DPF3: variants seen among roughly 807,000 people sequenced by gnomAD.
DPF3 encodes the protein zinc finger protein DPF3.
A neutral mutation model predicts 56.8 loss-of-function variants in DPF3; 18 were observed. That is an observed-to-expected ratio of 0.32 (90% CI 0.22 to 0.47). DPF3 has a LOEUF of 0.47. Ranked by LOEUF, DPF3 falls within the 20% of genes least tolerant of loss-of-function variation. DPF3 has a pLI of 1.00. For missense variants in DPF3, 403 were observed against 488.8 expected, an observed-to-expected ratio of 0.82 and a Z score of 1.65; for synonymous variants, 188 against 180.2, an observed-to-expected ratio of 1.04 and a Z score of -0.35.
intron 4 of DPF3, 165 bp from the exon 5 acceptor site, chr14:72,723,893 G>A: frequency 1.6e-6 from 1 of 628,994 alleles, no homozygotes; most frequent in East Asian, 3.1e-5. Context: ...TCTGGAGTTT[G>A]AACTCTTGGC....
chr14:72,878,454 T>C (rs1886199782), intron 1 of DPF3, among the ~76,000 whole-genome samples: 1 of 152,184 alleles, frequency 6.6e-6, no homozygotes, highest in Non-Finnish European at 1.5e-5. Context: ...TCAAAGAAGA[T>C]GTATCCAAAA....
At position 72,689,644 on chromosome 14, in the gene DPF3, T is replaced by C. The variant is rs115602341; in HGVS notation, c.742+3432A>G. On this transcript the variant is annotated intron_variant, in intron 7 of 10. Transcript: ENST00000556509. ...GCAGCTAATGACTAGGTATTAATGA[T>C]GCTGGCAATTAGTGCTCACAAGAAA... Among the ~76,000 whole-genome samples, 409 of 152,314 alleles carry C rather than the reference T, an allele frequency of 2.7e-3. 5 individuals carry two copies. The highest frequency in any genetic ancestry group is 9.3e-3 in the African/African-American group (385 of 41,568).
At chr14:72,640,771 C>T (rs1045211069) in intron 8 of DPF3, among the ~76,000 whole-genome samples, 2 of 151,890 alleles carry the variant, frequency 1.3e-5, no homozygotes, top group African/African-American at 4.8e-5. Context: ...ATGAAGATGC[C>T]CAGGAATTGG....
intron 3 of DPF3, among the ~76,000 whole-genome samples, chr14:72,750,728 AG>A (rs1890532056): frequency 2.2e-5 from 3 of 137,822 alleles, no homozygotes; most frequent in African/African-American, 7.8e-5. Flanking sequence ...GTGTAAAAAG[AG>A]GAGGGAAAGT....
At chr14:72,724,946 T>C (rs1889335581) in intron 4 of DPF3, among the ~76,000 whole-genome samples, 1 of 151,976 alleles carries the variant, frequency 6.6e-6, no homozygotes, top group Non-Finnish European at 1.5e-5. Flanking sequence ...TCTCAAGTGA[T>C]CCTCCCACCC....
intron 1 of DPF3, among the ~76,000 whole-genome samples, chr14:72,793,031 C>T (rs754218579): frequency 1.3e-5 from 2 of 152,152 alleles, no homozygotes; most frequent in Admixed American, 6.5e-5. Flanking sequence ...AATCATTCTC[C>T]GTCCCTCCCT....
At chr14:72,772,853 G>A (rs777967485) in intron 1 of DPF3, among the ~76,000 whole-genome samples, 2 of 152,134 alleles carry the variant, frequency 1.3e-5, no homozygotes, top group Non-Finnish European at 2.9e-5. Flanking sequence ...CATAACTTAT[G>A]CCAGGTAAAT....
rs1266847775 is a variant in DPF3 at position 72,629,174 on chromosome 14, A to G, written c.984+450T>C. On this transcript the variant is annotated intron_variant, in intron 9 of 10. Coordinates refer to ENST00000556509, the MANE Select transcript of DPF3 (RefSeq NM_001280542.3). The stretch of plus-strand genomic sequence containing the variant: ...CCTTATCCTTTTGAGATACATATGA[A>G]GTAGTTACAGGTAAAAATGATATTA... Among the ~76,000 whole-genome samples, 3 of 152,320 alleles carry G rather than the reference A, an allele frequency of 2.0e-5. No individual in the cohort carries two copies. The East Asian group carries it at 5.8e-4, about 29-fold the overall frequency.
In DPF3 at chr14:72,713,497, C is replaced by A. The variant is rs77508196; in HGVS notation, c.604+926G>T. ...ATGGGTGGGACACCCAGAGGGAGACCCGTGCCAGGGTCCAGCCTCGACTGT... is the reference window on the plus strand; with the variant it reads ...ATGGGTGGGACACCCAGAGGGAGACACGTGCCAGGGTCCAGCCTCGACTGT... On this transcript the variant is annotated intron_variant, in intron 6 of 10. Transcript: ENST00000556509. Among the ~76,000 whole-genome samples, 3 of 152,174 alleles carry A rather than the reference C, an allele frequency of 2.0e-5. No individual in the cohort carries two copies. In the South Asian group the frequency reaches 6.2e-4, roughly 31 times the overall value.
At chr14:72,840,519 T>C (rs79153216) in intron 1 of DPF3, among the ~76,000 whole-genome samples, 2,023 of 152,178 alleles carry the variant, frequency 0.013, 23 homozygotes, top group Non-Finnish European at 0.02. Flanking sequence ...CTCCCCATAT[T>C]CATGTAATTT....
chr14:72,846,168 T>C (rs1248881407), intron 1 of DPF3, among the ~76,000 whole-genome samples: 4 of 151,548 alleles, frequency 2.6e-5, no homozygotes, highest in African/African-American at 9.7e-5. Context: ...CGGAATACAA[T>C]GGCATGATCT....
chr14:72,660,318 G>A (rs1029263303), intron 8 of DPF3, among the ~76,000 whole-genome samples: 3 of 152,128 alleles, frequency 2.0e-5, no homozygotes, highest in Non-Finnish European at 4.4e-5. Context: ...ATAATGCAAG[G>A]CATAACGTGA....
At chr14:72,619,820 G>A (rs1437927476) in intron 10 of DPF3, 83 bp downstream of exon 10, 1 of 1,286,316 alleles carries the variant, frequency 7.8e-7, no homozygotes, top group Non-Finnish European at 1.1e-6. Flanking sequence ...TTAGCATAAG[G>A]CCTGTACCAT....
At chr14:72,645,351 G>A (rs879174021) in intron 8 of DPF3, among the ~76,000 whole-genome samples, 3 of 150,972 alleles carry the variant, frequency 2.0e-5, no homozygotes, top group Non-Finnish European at 4.4e-5. Flanking sequence ...CTAGACTAGA[G>A]TGCAGTGGTG....
At chr14:72,656,463 C>G (rs939964470) in intron 8 of DPF3, among the ~76,000 whole-genome samples, 2 of 152,220 alleles carry the variant, frequency 1.3e-5, no homozygotes, top group African/African-American at 4.8e-5. Context: ...TCCAGTCAAG[C>G]AGATTGATGC....
At chr14:72,629,520 A>G in intron 9 of DPF3, 104 bp downstream of exon 9, 1 of 1,116,086 alleles carries the variant, frequency 9.0e-7, no homozygotes, top group Non-Finnish European at 1.3e-6. Context: ...CCAGGGTAAC[A>G]GGCCCCAGGG....
intron 1 of DPF3, among the ~76,000 whole-genome samples, chr14:72,773,549 C>T (rs987960377): frequency 2.0e-5 from 3 of 152,212 alleles, no homozygotes; most frequent in Non-Finnish European, 2.9e-5. Flanking sequence ...ACGACCACCA[C>T]TACTATCCAT....
At chr14:72,889,210 C>G (rs990948926) in intron 1 of DPF3, among the ~76,000 whole-genome samples, 7 of 152,130 alleles carry the variant, frequency 4.6e-5, no homozygotes, top group African/African-American at 1.4e-4. Flanking sequence ...CAATGTCTCC[C>G]GGGAGGCCTG....
At chr14:72,871,147 T>A (rs993324065) in intron 1 of DPF3, among the ~76,000 whole-genome samples, 1 of 152,170 alleles carries the variant, frequency 6.6e-6, no homozygotes. Flanking sequence ...CCAGCCCCCA[T>A]GATTCGATTA....
Sources: allele counts gnomAD v4.1 joint callset (sites outside exome capture counted in the v4.1 genomes callset), GRCh38; gene constraint gnomAD v4.1.1; transcripts MANE v1.5; gene names NCBI Gene and HGNC (gene_info 2026-07-23, HGNC 2026-07-21).